The following DTX3 variants were observed in gnomAD, a reference collection of about 807,000 sequenced individuals.
DTX3 encodes deltex E3 ubiquitin ligase 3, also known as E3 ubiquitin-protein ligase DTX3.
In DTX3, 10 loss-of-function variants were observed where a neutral mutation model predicts 27.4. The ratio of observed to expected loss-of-function variants is 0.36; its 90% CI spans 0.22 to 0.62. The LOEUF is 0.62. DTX3 is among the 20% of genes least tolerant of loss of function. The probability of loss-of-function intolerance (pLI) is 0.68; values close to 1 mark genes in which losing one functional copy is unlikely to be tolerated. For synonymous variants in DTX3, 171 were observed against 190.7 expected, an observed-to-expected ratio of 0.90 and a Z score of 0.85; for missense variants, 319 against 463.8, an observed-to-expected ratio of 0.69 and a Z score of 2.87.
chr12:57,606,438 A>G lies in DTX3; in HGVS notation c.-75-5A>G. Reference sequence around the variant, plus strand: ...CACTTTCCTTCCATTTTTCCGCCCTACCAGGTCACACGACCTACAAGTAGG... The same window carrying G: ...CACTTTCCTTCCATTTTTCCGCCCTGCCAGGTCACACGACCTACAAGTAGG... On this transcript the variant is annotated splice_region_variant and splice_polypyrimidine_tract_variant and intron_variant, in intron 3 of 6. Transcript: ENST00000337737. The G allele has an allele frequency of 3.1e-6, 5 of 1,606,890 alleles. No homozygotes were observed. The highest frequency in any genetic ancestry group is 4.2e-6 in the Non-Finnish European group (5 of 1,176,956).
In DTX3 at chr12:57,607,192, G is replaced by T. The variant is rs1210524718; in HGVS notation, c.329G>T (p.Gly110Val). 1.2e-6 allele frequency: 2 copies of T among 1,613,290 alleles called. No homozygotes were observed. The highest frequency in any genetic ancestry group is 2.2e-5 in the East Asian group (1 of 44,880). ...GELMGCLALG[G>V]GGEHPEMHRA... ...CTGATGGGCTGCCTGGCTCTGGGGG[G>T]TGGAGGGGAGCACCCTGAGATGCAC... Residue 110 changes from glycine to valine, a missense_variant, in exon 5 of 7, where the codon GGT becomes GTT. Physicochemically the swap from Gly to Val is moderately radical, Grantham distance 109. Around this residue, in one of 2 missense-constraint regions of DTX3, gnomAD observed 202 missense variants for 205.3 expected, o/e 0.98. Transcript: ENST00000337737. This position sits in a 1 kb window ranked among gnomAD's most constrained non-coding sequence, Gnocchi z 7.7.
Position 57,606,445 on chromosome 12 carries a change from C to A in DTX3, c.-73C>A. On this transcript the variant is annotated splice_region_variant and 5_prime_UTR_variant, in exon 4 of 7. Transcript: ENST00000337737. Reference sequence around the variant, plus strand: ...CTTCCATTTTTCCGCCCTACCAGGTCACACGACCTACAAGTAGGGAGCAGG... The same window carrying A: ...CTTCCATTTTTCCGCCCTACCAGGTAACACGACCTACAAGTAGGGAGCAGG... The A allele has an allele frequency of 6.2e-7, 1 of 1,610,532 alleles. No homozygotes were observed. Among genetic ancestry groups the A allele is most frequent in the South Asian group, 1.1e-5 (1 of 90,312 alleles).
Position 57,607,221 on chromosome 12 carries a change from G to A in DTX3, c.358G>A (p.Ala120Thr), listed in dbSNP as rs373278710. Residue 120 changes from alanine (A) to threonine (T), a missense_variant, in exon 5 of 7, where the codon GCA (alanine) becomes ACA (threonine). Ala to Thr is a moderately conservative substitution (Grantham distance 58, BLOSUM62 0). Around this residue, in one of 2 missense-constraint regions of DTX3, gnomAD observed 202 missense variants for 205.3 expected, o/e 0.98. Coordinates refer to ENST00000337737, the MANE Select transcript of DTX3 (RefSeq NM_178502.4). The surrounding 1 kb of genome is among the most constrained non-coding windows in gnomAD (Gnocchi z 7.7). Reference sequence around the variant, plus strand: ...AGGGGAGCACCCTGAGATGCACCGCGCAGGCCCACCCCCTCTCCGAGCAGC... The same window carrying A: ...AGGGGAGCACCCTGAGATGCACCGCACAGGCCCACCCCCTCTCCGAGCAGC... ...GGGEHPEMHR[A>T]GPPPLRAAPL... 8 of 1,609,976 alleles carry A rather than the reference G, an allele frequency of 5.0e-6. No individual in the cohort carries two copies. Among genetic ancestry groups the A allele is most frequent in the Non-Finnish European group, 5.9e-6 (7 of 1,178,816 alleles).
Position 57,608,815 on chromosome 12 carries a change from G to GCT in DTX3, c.968+80_968+81dup. 6.6e-7 allele frequency: 1 copy of GCT among 1,506,592 alleles called. No homozygotes were observed. Among genetic ancestry groups the GCT allele is most frequent in the Non-Finnish European group, 9.1e-7 (1 of 1,099,452 alleles). 93.3% of individuals were successfully genotyped at this position (1,506,592 alleles called of 1,614,324 possible). ...CCACTGAGGGACCCACCAACCCCTC[G>GCT]CTCACGGAGCCTCCTAACTGGAGAG... On this transcript the variant is annotated intron_variant, in intron 6 of 6. Transcript: ENST00000337737. This position sits in a 1 kb window ranked among gnomAD's most constrained non-coding sequence, Gnocchi z 6.1.
rs1176099493 is a variant in DTX3 at position 57,607,036 on chromosome 12, A to G, written c.173A>G (p.Tyr58Cys). 3.7e-6 allele frequency: 6 copies of G among 1,614,164 alleles called. No homozygotes were observed. Among genetic ancestry groups the G allele is most frequent in the Admixed American group, 1.7e-5 (1 of 60,030 alleles). ...ILIDGETSDI[Y>C]VLQLSPQGPP... ...ATAGATGGCGAGACTTCTGACATCTATGTTCTCCAGCTTTCCCCACAGGGT... is the reference window on the plus strand; with the variant it reads ...ATAGATGGCGAGACTTCTGACATCTGTGTTCTCCAGCTTTCCCCACAGGGT... The change falls in exon 5 of 7, where the codon TAT (tyrosine) becomes TGT (cysteine). Residue 58 changes from tyrosine (Y) to cysteine (C), a missense_variant. Physicochemically the swap from Tyr to Cys is radical, Grantham distance 194. Coordinates refer to ENST00000337737, the MANE Select transcript of DTX3 (RefSeq NM_178502.4). This position sits in a 1 kb window ranked among gnomAD's most constrained non-coding sequence, Gnocchi z 7.7.
chr12:57,606,636 C>T (rs1326574448), intron 4 of DTX3, 118 bp downstream of exon 4: 2 of 1,451,526 alleles, frequency 1.4e-6, no homozygotes, highest in Non-Finnish European at 1.9e-6. Context: ...AGAAACAAGA[C>T]TGATACTTGG....
Position 57,607,740 on chromosome 12 carries a change from C to T in DTX3, c.750+127C>T, listed in dbSNP as rs1594952375. On this transcript the variant is annotated intron_variant, in intron 5 of 6. Transcript: ENST00000337737. This position sits in a 1 kb window ranked among gnomAD's most constrained non-coding sequence, Gnocchi z 7.7. Reference sequence around the variant, plus strand: ...TGCTGTCTTCCACTGTGCCCTCCTACTCAGTGCCCTGGACCTAGGAGGTCC... The same window carrying T: ...TGCTGTCTTCCACTGTGCCCTCCTATTCAGTGCCCTGGACCTAGGAGGTCC... The T allele has an allele frequency of 7.7e-7, 1 of 1,292,162 alleles. No homozygotes were observed. Among genetic ancestry groups the T allele is most frequent in the Non-Finnish European group, 1.1e-6 (1 of 915,458 alleles). 80.0% of individuals were successfully genotyped at this position (1,292,162 alleles called of 1,614,324 possible).
chr12:57,606,105 T>TATCTC (rs1175365607), intron 2 of DTX3, 85 bp from the exon 3 acceptor site: 1 of 177,538 alleles, frequency 5.6e-6, no homozygotes, highest in East Asian at 1.6e-4. Context: ...AGAGAGGAGA[T>TATCTC]GGAAGGGGAG....
rs978518592 is a variant in DTX3 at position 57,608,371 on chromosome 12, C to A, written c.751-149C>A. ...TGCTGCCGAGGCCGTATAATCTCTC[C>A]TTCTGTGGAAAGCTGTCAGCCTGTT... On this transcript the variant is annotated intron_variant, in intron 5 of 6. Transcript: ENST00000337737. The surrounding 1 kb of genome is among the most constrained non-coding windows in gnomAD (Gnocchi z 6.1). 2.1e-5 allele frequency: 14 copies of A among 653,538 alleles called. No homozygotes were observed. In the African/African-American group the frequency reaches 2.5e-4, roughly 12 times the overall value. The allele number at this position is 653,538 out of a possible 1,614,324, so 40.5% of individuals were successfully genotyped here. A position where few individuals can be genotyped will look rare whatever the true frequency, so the allele number is the denominator to read the frequency against.
At position 57,608,905 on chromosome 12, in the gene DTX3, A is replaced by G. The variant is rs747199764; in HGVS notation, c.968+168A>G. The G allele has an allele frequency of 9.4e-7, 1 of 1,063,534 alleles. No individual in the cohort carries two copies. The highest frequency in any genetic ancestry group is 1.4e-5 in the South Asian group (1 of 73,878). The allele number at this position is 1,063,534 out of a possible 1,614,324, so 65.9% of individuals were successfully genotyped here. A position where few individuals can be genotyped will look rare whatever the true frequency, so the allele number is the denominator to read the frequency against. On this transcript the variant is annotated intron_variant, in intron 6 of 6. Coordinates refer to ENST00000337737, the MANE Select transcript of DTX3 (RefSeq NM_178502.4). This position sits in a 1 kb window ranked among gnomAD's most constrained non-coding sequence, Gnocchi z 6.1. Reference sequence around the variant, plus strand: ...CATTCAACCTGGTCCTGGTGTGCCCAGCTTAGCCTACAAAAATAAGCAGAA... The same window carrying G: ...CATTCAACCTGGTCCTGGTGTGCCCGGCTTAGCCTACAAAAATAAGCAGAA...
At chr12:57,609,026 A>G in intron 6 of DTX3, 51 bp from the exon 7 acceptor site, 1 of 1,545,280 alleles carries the variant, frequency 6.5e-7, no homozygotes, top group Non-Finnish European at 8.9e-7. Context: ...TGGGGATAAT[A>G]GCAAGTTCAA....
rs1195696028 is a variant in DTX3 at position 57,607,296 on chromosome 12, CT to C, written c.434del (p.Leu145ArgfsTer51). On this transcript the variant is annotated frameshift_variant, in exon 5 of 7. Coordinates refer to ENST00000337737, the MANE Select transcript of DTX3 (RefSeq NM_178502.4). LOFTEE classifies it high-confidence loss of function. The surrounding 1 kb of genome is among the most constrained non-coding windows in gnomAD (Gnocchi z 7.7). ...GGGGCTCCCCCCTCCTCCTCCCCCC[CT>C]GCCCCCACCTCTTCCTCCTCGCCTT... ...ARGLPPPPPP[L>X]PPPLPPRLRE... The C allele has an allele frequency of 1.3e-6, 2 of 1,577,170 alleles. No homozygotes were observed. Among genetic ancestry groups the C allele is most frequent in the Non-Finnish European group, 1.7e-6 (2 of 1,161,918 alleles).
At position 57,609,054 on chromosome 12, in the gene DTX3, C is replaced by T. The variant is rs554617288; in HGVS notation, c.969-23C>T. 4 of 1,610,412 alleles carry T rather than the reference C, an allele frequency of 2.5e-6. No homozygotes were observed. In the East Asian group the frequency reaches 8.9e-5, roughly 36 times the overall value. On this transcript the variant is annotated intron_variant, in intron 6 of 6. Transcript: ENST00000337737. Reference sequence around the variant, plus strand: ...AAGTTCAAACAGCTAACAACCCTCACCCTCATTTCTCTTTGCTCCCAGGTT... The same window carrying T: ...AAGTTCAAACAGCTAACAACCCTCATCCTCATTTCTCTTTGCTCCCAGGTT...
In DTX3 at chr12:57,607,211, G is replaced by A. The variant is rs1565721089; in HGVS notation, c.348G>A (p.Glu116=). ...TGGGGGGTGGAGGGGAGCACCCTGA[G>A]ATGCACCGCGCAGGCCCACCCCCTC... The part of the protein sequence containing the change: ...LALGGGGEHP[E]MHRAGPPPLR... Residue 116 remains glutamate (E), a synonymous_variant, in exon 5 of 7, where the codon GAG becomes GAA. Coordinates refer to ENST00000337737, the MANE Select transcript of DTX3 (RefSeq NM_178502.4). The surrounding 1 kb of genome is among the most constrained non-coding windows in gnomAD (Gnocchi z 7.7). 4 of 1,611,998 alleles carry A rather than the reference G, an allele frequency of 2.5e-6. No individual in the cohort carries two copies. Among genetic ancestry groups the A allele is most frequent in the Non-Finnish European group, 3.4e-6 (4 of 1,179,606 alleles).
rs1223548450 is a variant in DTX3 at position 57,606,484 on chromosome 12, G to C, written c.-34G>C. 3 of 1,613,860 alleles carry C rather than the reference G, an allele frequency of 1.9e-6. No homozygotes were observed. The highest frequency in any genetic ancestry group is 4.5e-5 in the East Asian group (2 of 44,888). On this transcript the variant is annotated 5_prime_UTR_variant, in exon 4 of 7. Coordinates refer to ENST00000337737, the MANE Select transcript of DTX3 (RefSeq NM_178502.4). ...GTAGGGAGCAGGGAAAGAAGAGTGA[G>C]CCTGCATGCCAATTCTAAGCTCTTC...
Position 57,607,687 on chromosome 12 carries a change from A to G in DTX3, c.750+74A>G, listed in dbSNP as rs1217085380. On this transcript the variant is annotated intron_variant, in intron 5 of 6. Coordinates refer to ENST00000337737, the MANE Select transcript of DTX3 (RefSeq NM_178502.4). The surrounding 1 kb of genome is among the most constrained non-coding windows in gnomAD (Gnocchi z 7.7). ...GACCTAGGAAAACCGGGTGAGGGTGAGTGTGCTTGTTAGATGTGAGACAGT... is the reference window on the plus strand; with the variant it reads ...GACCTAGGAAAACCGGGTGAGGGTGGGTGTGCTTGTTAGATGTGAGACAGT... 1 of 1,590,208 alleles carries G rather than the reference A, an allele frequency of 6.3e-7. No individual in the cohort carries two copies. The highest frequency in any genetic ancestry group is 8.6e-7 in the Non-Finnish European group (1 of 1,160,678).
In DTX3 at chr12:57,606,995, C is replaced by T. The variant is rs1173968931; in HGVS notation, c.132C>T (p.His44=). The change falls in exon 5 of 7, where the codon CAC becomes CAT. Residue 44 remains histidine (H), a synonymous_variant. Coordinates refer to ENST00000337737, the MANE Select transcript of DTX3 (RefSeq NM_178502.4). ...PARLARLREE[H]RVSILIDGET... Reference sequence around the variant, plus strand: ...GGCTGGCCCGGCTTCGGGAGGAGCACCGTGTGTCCATCCTCATAGATGGCG... The same window carrying T: ...GGCTGGCCCGGCTTCGGGAGGAGCATCGTGTGTCCATCCTCATAGATGGCG... The T allele has an allele frequency of 6.2e-7, 1 of 1,614,036 alleles. No homozygotes were observed. The highest frequency in any genetic ancestry group is 1.3e-5 in the African/African-American group (1 of 74,898).
At chr12:57,605,943 C>T (rs896939221) in intron 2 of DTX3, 1 of 152,498 alleles carries the variant, frequency 6.6e-6, no homozygotes, top group Non-Finnish European at 1.5e-5. Flanking sequence ...AAGACCTCCA[C>T]CTGTGTGGGC....
At position 57,608,448 on chromosome 12, in the gene DTX3, G is replaced by A. The variant is rs1395096041; in HGVS notation, c.751-72G>A. On this transcript the variant is annotated intron_variant, in intron 5 of 6. Transcript: ENST00000337737. The surrounding 1 kb of genome is among the most constrained non-coding windows in gnomAD (Gnocchi z 6.1). ...TGCTCAGACAGAGACTAGCCTGGAT[G>A]ACCCTCCTCTGGCATCTGGGCCTTA... is the stretch of plus-strand genomic sequence containing the variant. 2 of 1,387,200 alleles carry A rather than the reference G, an allele frequency of 1.4e-6. No homozygotes were observed. The highest frequency in any genetic ancestry group is 3.9e-5 in the Admixed American group (2 of 51,284). The allele number at this position is 1,387,200 out of a possible 1,614,324, so 85.9% of individuals were successfully genotyped here.
Sources: allele counts gnomAD v4.1 joint callset, GRCh38; gene constraint gnomAD v4.1.1; regional missense constraint gnomAD v4.1.1; non-coding constraint Gnocchi (gnomAD v3.1); transcripts MANE v1.5; gene names NCBI Gene and HGNC (gene_info 2026-07-23, HGNC 2026-07-21).